Variants in NCAM2 observed in about 807,000 individuals in gnomAD.
NCAM2 encodes the protein N-CAM-2.
Under a neutral mutation model 98.1 loss-of-function variants are expected in NCAM2, and 30 were observed. That is an observed-to-expected ratio of 0.31 (90% confidence interval 0.23 to 0.41). The LOEUF is 0.41. Ranked by LOEUF, NCAM2 falls within the 10% of genes least tolerant of loss-of-function variation. The pLI is 1.00. For missense variants in NCAM2, 867 were observed against 1,005.8 expected, an observed-to-expected ratio of 0.86 and a Z score of 1.87; for synonymous variants, 368 against 342.4, an observed-to-expected ratio of 1.07 and a Z score of -0.83.
At chr21:21,442,320 G>T (rs990987655) in intron 12 of NCAM2, among the ~76,000 whole-genome samples, 1 of 152,124 alleles carries the variant, frequency 6.6e-6, no homozygotes. Flanking sequence ...ATATTTTAAA[G>T]GTAGTGTCCA....
At chr21:21,515,634 G>C (rs73896947) in intron 16 of NCAM2, among the ~76,000 whole-genome samples, 1 of 151,868 alleles carries the variant, frequency 6.6e-6, no homozygotes, top group Non-Finnish European at 1.5e-5. Context: ...AAGTAATTTC[G>C]ATAGAATTAA....
intron 6 of NCAM2, among the ~76,000 whole-genome samples, chr21:21,328,966 T>G (rs1394877859): frequency 1.3e-5 from 2 of 150,924 alleles, no homozygotes. Context: ...TTTTTTTTTT[T>G]TTTTTTGAGA....
At chr21:21,263,440 A>G (rs2072000581) in intron 1 of NCAM2, among the ~76,000 whole-genome samples, 3 of 152,260 alleles carry the variant, frequency 2.0e-5, no homozygotes, top group Admixed American at 2.0e-4. Flanking sequence ...AATACTTTCC[A>G]AAGTAATCTA....
At chr21:21,181,035 G>A (rs575041723) in intron 1 of NCAM2, among the ~76,000 whole-genome samples, 4 of 152,174 alleles carry the variant, frequency 2.6e-5, no homozygotes, top group East Asian at 1.9e-4. Flanking sequence ...CTTCAATGTT[G>A]CTGAAAACAA....
chr21:21,347,709 G>T (rs1311816697), intron 8 of NCAM2, among the ~76,000 whole-genome samples: 1 of 151,950 alleles, frequency 6.6e-6, no homozygotes, highest in Admixed American at 6.6e-5. Context: ...AGTATCTGAT[G>T]AATATTGATG....
intron 12 of NCAM2, among the ~76,000 whole-genome samples, chr21:21,447,999 A>T (rs563036086): frequency 1.3e-5 from 2 of 152,138 alleles, no homozygotes; most frequent in Admixed American, 1.3e-4. Flanking sequence ...TTCCTGAAAG[A>T]TCTAGAACCA....
In NCAM2 at chr21:21,538,130, A is replaced by ATTG. The variant is rs1041670368; in HGVS notation, c.*186_*188dup. On this transcript the variant is annotated 3_prime_UTR_variant, in exon 18 of 18. Transcript: ENST00000400546. The stretch of plus-strand genomic sequence containing the variant: ...TGCCCATGATCCATTCCCTTTTGTT[A>ATTG]TTGTTGTTGTTGTTGCTGTTGTTGT... 8 of 384,592 alleles carry ATTG rather than the reference A, an allele frequency of 2.1e-5. No individual in the cohort carries two copies. Among genetic ancestry groups the ATTG allele is most frequent in the African/African-American group, 1.0e-4 (5 of 47,936 alleles). The allele number at this position is 384,592 out of a possible 1,614,324, so 23.8% of individuals were successfully genotyped here. A position where few individuals can be genotyped will look rare whatever the true frequency, so the allele number is the denominator to read the frequency against.
In NCAM2 at chr21:21,330,602, C is replaced by T. The variant is rs537855007; in HGVS notation, c.738-4903C>T. Among the ~76,000 whole-genome samples, 71 of 152,058 alleles carry T rather than the reference C, an allele frequency of 4.7e-4. No homozygotes were observed. The South Asian group carries it at 0.015, about 32-fold the overall frequency. ...CCCTAATATTAAATAGATCAACTCCCTTGATAGTATTGTGGAAGTCTTCTA... is the reference window on the plus strand; with the variant it reads ...CCCTAATATTAAATAGATCAACTCCTTTGATAGTATTGTGGAAGTCTTCTA... On this transcript the variant is annotated intron_variant, in intron 6 of 17. Transcript: ENST00000400546.
chr21:21,356,197 T>G (rs761485693), intron 8 of NCAM2, among the ~76,000 whole-genome samples: 11 of 152,166 alleles, frequency 7.2e-5, no homozygotes, highest in Non-Finnish European at 1.3e-4. Flanking sequence ...TTATAACAAT[T>G]TAAATATCTC....
At chr21:21,063,343 C>T (rs1378719679) in intron 1 of NCAM2, among the ~76,000 whole-genome samples, 1 of 150,926 alleles carries the variant, frequency 6.6e-6, no homozygotes, top group African/African-American at 2.4e-5. Context: ...CTCTCAGCCT[C>T]CTGAGTAGCT....
chr21:21,012,989 C>T (rs1462071553), intron 1 of NCAM2, among the ~76,000 whole-genome samples: 1 of 152,158 alleles, frequency 6.6e-6, no homozygotes, highest in Non-Finnish European at 1.5e-5. Context: ...CACTGACTGG[C>T]TGTTTCCTGG....
At chr21:21,052,700 GCAAA>G (rs1459503801) in intron 1 of NCAM2, among the ~76,000 whole-genome samples, 1 of 152,064 alleles carries the variant, frequency 6.6e-6, no homozygotes, top group African/African-American at 2.4e-5. Context: ...ATCCTACCAA[GCAAA>G]CAAAGTTTAG....
At chr21:21,492,495 C>T (rs1473764331) in intron 15 of NCAM2, among the ~76,000 whole-genome samples, 1 of 151,854 alleles carries the variant, frequency 6.6e-6, no homozygotes, top group South Asian at 2.1e-4. Context: ...TAAGTAAGCA[C>T]ACATTAAGTT....
intron 1 of NCAM2, among the ~76,000 whole-genome samples, chr21:21,073,188 G>T (rs1293766491): frequency 6.6e-6 from 1 of 152,028 alleles, no homozygotes; most frequent in Non-Finnish European, 1.5e-5. Flanking sequence ...TCCATTGTAT[G>T]CATATATCAC....
chr21:21,382,513 A>C (rs2076175750), intron 9 of NCAM2, among the ~76,000 whole-genome samples: 1 of 118,520 alleles, frequency 8.4e-6, no homozygotes. Context: ...GTTTTATTTC[A>C]GGGATTTTTT....
chr21:21,323,715 A>G (rs2074437295), intron 5 of NCAM2, among the ~76,000 whole-genome samples: 1 of 152,156 alleles, frequency 6.6e-6, no homozygotes, highest in Non-Finnish European at 1.5e-5. Flanking sequence ...TAGAAATTGG[A>G]GATGCTTAAT....
intron 1 of NCAM2, among the ~76,000 whole-genome samples, chr21:21,151,350 G>A (rs1351365467): frequency 6.6e-6 from 1 of 152,006 alleles, no homozygotes; most frequent in African/African-American, 2.4e-5. Context: ...TGCCATGTTG[G>A]TGTGCTGCAC....
intron 6 of NCAM2, among the ~76,000 whole-genome samples, chr21:21,332,262 A>T (rs901556768): frequency 9.9e-5 from 15 of 152,082 alleles, no homozygotes; most frequent in African/African-American, 3.6e-4. Flanking sequence ...GGGGTGCTGA[A>T]TATTTTTGTA....
At chr21:21,493,145 T>A (rs920720553) in intron 15 of NCAM2, among the ~76,000 whole-genome samples, 4 of 151,934 alleles carry the variant, frequency 2.6e-5, no homozygotes, top group Admixed American at 6.6e-5. Context: ...CAGGGAAAAA[T>A]ATTTATCTAA....
Sources: allele counts gnomAD v4.1 joint callset (sites outside exome capture counted in the v4.1 genomes callset), GRCh38; gene constraint gnomAD v4.1.1; transcripts MANE v1.5; gene names NCBI Gene and HGNC (gene_info 2026-07-23, HGNC 2026-07-21).